The following ATP1B3 variants were observed in gnomAD, a reference collection of about 807,000 sequenced individuals.
ATP1B3 encodes the protein ATPase Na+/K+ transporting subunit beta 3.
ATP1B3 carries 10 observed loss-of-function variants against 30.2 expected under a neutral mutation model. The observed-to-expected ratio is 0.33, with a 90% CI of 0.20 to 0.56. The LOEUF is 0.56. Ranked by LOEUF, ATP1B3 falls within the 20% of genes least tolerant of loss-of-function variation. The probability of loss-of-function intolerance (pLI) is 0.90; values close to 1 mark genes in which losing one functional copy is unlikely to be tolerated. For synonymous variants in ATP1B3, 113 were observed against 117.0 expected, an observed-to-expected ratio of 0.97 and a Z score of 0.22; for missense variants, 238 against 336.7, an observed-to-expected ratio of 0.71 and a Z score of 2.29.
At chr3:141,912,020 G>A (rs912144194) in intron 3 of ATP1B3, among the ~76,000 whole-genome samples, 1 of 152,266 alleles carries the variant, frequency 6.6e-6, no homozygotes, top group East Asian at 1.9e-4. Context: ...AAGCCCTTGG[G>A]GAAATTGGTG....
chr3:141,896,753 A>G (rs1419032937), intron 1 of ATP1B3, among the ~76,000 whole-genome samples: 1 of 152,066 alleles, frequency 6.6e-6, no homozygotes, highest in African/African-American at 2.4e-5. Context: ...TTTAAAAATT[A>G]TCCTTCACCT....
At chr3:141,910,328 C>T (rs575183033) in intron 3 of ATP1B3, among the ~76,000 whole-genome samples, 34 of 152,168 alleles carry the variant, frequency 2.2e-4, no homozygotes, top group African/African-American at 6.0e-4. Flanking sequence ...CTTTTTCTTA[C>T]GGTGTTTTTC....
intron 1 of ATP1B3, among the ~76,000 whole-genome samples, chr3:141,901,420 A>G (rs1005775059): frequency 6.6e-6 from 1 of 152,178 alleles, no homozygotes; most frequent in Non-Finnish European, 1.5e-5. Flanking sequence ...GATAAAGTAT[A>G]TTTATATGTG....
At chr3:141,910,395 A>G (rs149587262) in intron 3 of ATP1B3, among the ~76,000 whole-genome samples, 87 of 152,142 alleles carry the variant, frequency 5.7e-4, no homozygotes, top group Non-Finnish European at 1.1e-3. Flanking sequence ...TTACTTTTCT[A>G]CATTATCACT....
At chr3:141,897,533 GAGAGATACT>G (rs1934090042) in intron 1 of ATP1B3, among the ~76,000 whole-genome samples, 1 of 152,140 alleles carries the variant, frequency 6.6e-6, no homozygotes, top group Admixed American at 6.5e-5. Context: ...GCCAGACATG[GAGAGATACT>G]GGTCTATTTC....
At chr3:141,920,493 C>T (rs895455935) in intron 5 of ATP1B3, among the ~76,000 whole-genome samples, 1 of 151,654 alleles carries the variant, frequency 6.6e-6, no homozygotes, top group African/African-American at 2.4e-5. Flanking sequence ...GGCCATTGCA[C>T]TCTGGCTTAG....
chr3:141,899,699 G>A (rs13059220), intron 1 of ATP1B3, among the ~76,000 whole-genome samples: 21,106 of 152,090 alleles, frequency 0.14, 1,714 homozygotes, highest in East Asian at 0.39. Flanking sequence ...GAGAAACCCC[G>A]TCTCTACTAA....
chr3:141,908,193 T>A (rs1000336152), intron 3 of ATP1B3, among the ~76,000 whole-genome samples: 1 of 152,084 alleles, frequency 6.6e-6, no homozygotes, highest in Admixed American at 6.6e-5. Flanking sequence ...AAGTTATGTC[T>A]GTGTCTGATT....
intron 1 of ATP1B3, among the ~76,000 whole-genome samples, chr3:141,894,484 G>T (rs1236491264): frequency 2.0e-5 from 3 of 151,920 alleles, no homozygotes; most frequent in Admixed American, 2.0e-4. Flanking sequence ...ATAACACTTA[G>T]CTTTTAAAGC....
chr3:141,896,077 T>G (rs963294735), intron 1 of ATP1B3, among the ~76,000 whole-genome samples: 8 of 152,128 alleles, frequency 5.3e-5, no homozygotes, highest in Non-Finnish European at 7.4e-5. Flanking sequence ...TTGGACTGGG[T>G]GCGGTGGCTC....
Position 141,919,577 on chromosome 3 carries a change from T to TC in ATP1B3, c.583-2398dup, listed in dbSNP as rs1934530245. Among the ~76,000 whole-genome samples, 3 of 152,160 alleles carry TC rather than the reference T, an allele frequency of 2.0e-5. No individual in the cohort carries two copies. In the South Asian group the frequency reaches 6.2e-4, roughly 32 times the overall value. On this transcript the variant is annotated intron_variant, in intron 5 of 6. Transcript: ENST00000286371. ...AAACAAAATGCATTAATTTTTAAAC[T>TC]CCATTTTGTTTCAGTGGAACTTAGT...
chr3:141,892,963 C>A (rs1933986161), intron 1 of ATP1B3, among the ~76,000 whole-genome samples: 1 of 152,150 alleles, frequency 6.6e-6, no homozygotes, highest in Non-Finnish European at 1.5e-5. Flanking sequence ...TTAGATGTTA[C>A]CAGTAAGTCT....
chr3:141,908,157 G>T (rs1934296405), intron 3 of ATP1B3, among the ~76,000 whole-genome samples: 1 of 151,036 alleles, frequency 6.6e-6, no homozygotes, highest in Non-Finnish European at 1.5e-5. Context: ...TTGCTTGGGG[G>T]ATGGGAAATT....
At chr3:141,885,880 AACACACACACACACACAC>A (rs146684460) in intron 1 of ATP1B3, among the ~76,000 whole-genome samples, 185 of 141,742 alleles carry the variant, frequency 1.3e-3, no homozygotes, top group Non-Finnish European at 2.1e-3. Context: ...GCTGCGTTAA[AACACACACACACACACAC>A]ACACACACAC....
At position 141,897,535 on chromosome 3, in the gene ATP1B3, G is replaced by T. The variant is rs78656275; in HGVS notation, c.110-6085G>T. 1.5e-3 allele frequency among the ~76,000 whole-genome samples: 229 copies of T among 152,278 alleles called. 3 individuals are homozygous for T. The East Asian group carries it at 0.042, about 28-fold the overall frequency. ...CCTGGGAGAGCAGGCCAGACATGGAGAGATACTGGTCTATTTCTTTTACTG... is the reference window on the plus strand; with the variant it reads ...CCTGGGAGAGCAGGCCAGACATGGATAGATACTGGTCTATTTCTTTTACTG... On this transcript the variant is annotated intron_variant, in intron 1 of 6. Transcript: ENST00000286371.
intron 1 of ATP1B3, among the ~76,000 whole-genome samples, chr3:141,896,110 G>A (rs1165894837): frequency 6.6e-6 from 1 of 152,088 alleles, no homozygotes; most frequent in Non-Finnish European, 1.5e-5. Context: ...CCAGCACTTT[G>A]GGAGGCCAGG....
chr3:141,909,260 C>T (rs986994953), intron 3 of ATP1B3, among the ~76,000 whole-genome samples: 7 of 152,138 alleles, frequency 4.6e-5, no homozygotes. Flanking sequence ...TGTTCCCTGC[C>T]CTCCTCCCTT....
intron 5 of ATP1B3, among the ~76,000 whole-genome samples, chr3:141,917,143 G>C (rs1376929338): frequency 6.6e-6 from 1 of 151,416 alleles, no homozygotes; most frequent in Non-Finnish European, 1.5e-5. Flanking sequence ...ATGAGTCACC[G>C]CGCCTGGCCC....
At chr3:141,917,351 A>G (rs1339400252) in intron 5 of ATP1B3, among the ~76,000 whole-genome samples, 3 of 152,072 alleles carry the variant, frequency 2.0e-5, no homozygotes, top group Non-Finnish European at 4.4e-5. Flanking sequence ...ACCACTGGCA[A>G]TTCACTTTAC....
Sources: allele counts gnomAD v4.1 joint callset (sites outside exome capture counted in the v4.1 genomes callset), GRCh38; gene constraint gnomAD v4.1.1; transcripts MANE v1.5; gene names NCBI Gene and HGNC (gene_info 2026-07-23, HGNC 2026-07-21).